The following GLI3 variants were observed in gnomAD, a reference collection of about 807,000 sequenced individuals.
GLI3 encodes GLI family zinc finger 3.
GLI3 carries 20 observed loss-of-function variants against 100.8 expected under a neutral mutation model. The ratio of observed to expected loss-of-function variants is 0.20; its 90% CI spans 0.14 to 0.29. The LOEUF (loss-of-function observed/expected upper bound fraction) is 0.29, where lower values mean the gene tolerates loss of function less well. GLI3 is among the 10% of genes least tolerant of loss of function. GLI3 has a pLI of 1.00. For missense variants in GLI3, 2,040 were observed against 2,128.5 expected (o/e 0.96, Z 0.82); for synonymous variants, 938 against 860.5 (o/e 1.09, Z -1.58).
intron 3 of GLI3, among the ~76,000 whole-genome samples, chr7:42,141,881 C>T (rs1208177435): frequency 6.6e-6 from 1 of 152,056 alleles, no homozygotes; most frequent in Non-Finnish European, 1.5e-5. Context: ...GAGCATGGGT[C>T]ACCTGGAATT....
chr7:42,082,131 A>C (rs1006895218), intron 3 of GLI3, among the ~76,000 whole-genome samples: 1 of 151,864 alleles, frequency 6.6e-6, no homozygotes, highest in East Asian at 2.0e-4. Context: ...TATAAAATGA[A>C]AGGTCTCAAG....
At chr7:42,170,397 C>CTTTTT (rs1185274818) in intron 2 of GLI3, among the ~76,000 whole-genome samples, 35 of 81,088 alleles carry the variant, frequency 4.3e-4, no homozygotes, top group East Asian at 6.6e-4. Flanking sequence ...ACTTACTGAT[C>CTTTTT]TTTTTTTTTT....
chr7:42,106,667 A>C (rs761582601), intron 3 of GLI3, among the ~76,000 whole-genome samples: 1 of 152,228 alleles, frequency 6.6e-6, no homozygotes, highest in Admixed American at 6.5e-5. Flanking sequence ...GAAGTGATGA[A>C]TGTTTCACAC....
chr7:42,073,729 T>C (rs929367195), intron 4 of GLI3, among the ~76,000 whole-genome samples: 3 of 152,222 alleles, frequency 2.0e-5, no homozygotes, highest in African/African-American at 7.2e-5. Flanking sequence ...ACTCGTAATT[T>C]AGTTTTTAAA....
intron 3 of GLI3, among the ~76,000 whole-genome samples, chr7:42,108,645 G>A (rs1785632848): frequency 6.6e-6 from 1 of 152,050 alleles, no homozygotes; most frequent in South Asian, 2.1e-4. Context: ...CCATTTCAAA[G>A]TAAGAGGATA....
intron 10 of GLI3, among the ~76,000 whole-genome samples, chr7:41,998,437 A>G (rs990488837): frequency 2.0e-5 from 3 of 152,210 alleles, no homozygotes; most frequent in Admixed American, 6.5e-5. Context: ...GACACGGGAT[A>G]TGTCAAACAA....
chr7:42,077,310 T>C (rs1414254315), intron 3 of GLI3, among the ~76,000 whole-genome samples: 1 of 152,126 alleles, frequency 6.6e-6, no homozygotes, highest in Non-Finnish European at 1.5e-5. Context: ...CTCACCATAC[T>C]TTTAAGAGTG....
At chr7:42,241,806 C>T (rs926684227), upstream of GLI3, among the ~76,000 whole-genome samples, 9 of 152,276 alleles carry the variant, frequency 5.9e-5, no homozygotes, top group East Asian at 1.7e-3. Context: ...TTTCAGAGCC[C>T]CTGTGGATGC....
chr7:42,015,375 C>T (rs1046280755), intron 10 of GLI3, among the ~76,000 whole-genome samples: 1 of 152,076 alleles, frequency 6.6e-6, no homozygotes, highest in Admixed American at 6.5e-5. Flanking sequence ...ATTTACAGTT[C>T]TCTTCTCTTG....
chr7:42,071,857 G>A (rs1217994463), intron 4 of GLI3, among the ~76,000 whole-genome samples: 1 of 152,112 alleles, frequency 6.6e-6, no homozygotes. Flanking sequence ...TCATAATACT[G>A]AGTCCTCTCC....
intron 9 of GLI3, 29 bp from the exon 10 acceptor site, chr7:42,023,637 C>T: frequency 6.3e-7 from 1 of 1,599,384 alleles, no homozygotes; most frequent in Non-Finnish European, 8.6e-7. Context: ...GGGCAGGGAA[C>T]AGAGAAGGGG....
At chr7:42,095,422 T>G (rs966343617) in intron 3 of GLI3, among the ~76,000 whole-genome samples, 2 of 152,164 alleles carry the variant, frequency 1.3e-5, no homozygotes, top group African/African-American at 4.8e-5. Context: ...TTGGAAGTAT[T>G]ACTTTGGTGG....
chr7:42,095,343 C>T (rs539238706), intron 3 of GLI3, among the ~76,000 whole-genome samples: 1 of 152,180 alleles, frequency 6.6e-6, no homozygotes, highest in African/African-American at 2.4e-5. Context: ...CAGGCCTGTT[C>T]AGGGCTCCTA....
chr7:42,095,024 C>T (rs189259538), intron 3 of GLI3, among the ~76,000 whole-genome samples: 1 of 152,314 alleles, frequency 6.6e-6, no homozygotes, highest in Non-Finnish European at 1.5e-5. Flanking sequence ...AAGCCTTGCT[C>T]AGAAAGGTGA....
chr7:42,172,438 A>T, intron 2 of GLI3: 1 of 630,418 alleles, frequency 1.6e-6, no homozygotes, highest in Non-Finnish European at 2.9e-6. Context: ...ATTAGATAGT[A>T]AGATGAAAAA....
Position 41,966,206 on chromosome 7 carries a change from C to G in GLI3, c.2867G>C (p.Arg956Pro). ...GAGGGCATCCCCGAGCAGCGCCAGG[C>G]GCGTCTTCAGGCTCATCCTCTCCAT... ...PNMERMSLKT[R>P]LALLGDALEP... The change falls in exon 15 of 15, where the codon CGC becomes CCC. Residue 956 changes from arginine (R) to proline (P), a missense_variant. Physicochemically the swap from Arg to Pro is moderately radical, Grantham distance 103. Around this residue, in one of 5 missense-constraint regions of GLI3, gnomAD observed 1,041 missense variants for 924.0 expected, o/e 1.13. Transcript: ENST00000395925. The surrounding 1 kb of genome is among the most constrained non-coding windows in gnomAD (Gnocchi z 5.8). 3.1e-6 allele frequency: 5 copies of G among 1,607,156 alleles called. No homozygotes were observed. The highest frequency in any genetic ancestry group is 4.2e-6 in the Non-Finnish European group (5 of 1,178,622).
At chr7:42,098,967 CA>C (rs1785400161) in intron 3 of GLI3, among the ~76,000 whole-genome samples, 1 of 152,076 alleles carries the variant, frequency 6.6e-6, no homozygotes, top group Admixed American at 6.5e-5. Flanking sequence ...GTGGGGCATC[CA>C]AAAGGAAGAG....
rs190831516 is a variant in GLI3 at position 41,975,894 on chromosome 7, T to C, written c.1812+1664A>G. ...AAATTACACTTAAATCTATGAAATA[T>C]ATGAAATACATTCTGTTAAGTCAAA... On this transcript the variant is annotated intron_variant, in intron 12 of 14. Coordinates refer to ENST00000395925, the MANE Select transcript of GLI3 (RefSeq NM_000168.6). 1.9e-4 allele frequency among the ~76,000 whole-genome samples: 29 copies of C among 152,334 alleles called. No homozygotes were observed. The East Asian group carries it at 5.2e-3, about 27-fold the overall frequency.
At chr7:42,228,956 A>C (rs11772798) in intron 1 of GLI3, among the ~76,000 whole-genome samples, 46,498 of 152,048 alleles carry the variant, frequency 0.31, 7,445 homozygotes, top group Middle Eastern at 0.48. Context: ...GGAACGTGAG[A>C]AAAAATTAGC....
Sources: allele counts gnomAD v4.1 joint callset (sites outside exome capture counted in the v4.1 genomes callset), GRCh38; gene constraint gnomAD v4.1.1; regional missense constraint gnomAD v4.1.1; non-coding constraint Gnocchi (gnomAD v3.1); transcripts MANE v1.5; gene names NCBI Gene and HGNC (gene_info 2026-07-23, HGNC 2026-07-21).